Variants in SEMA6D observed in about 807,000 individuals in gnomAD.
SEMA6D encodes the protein semaphorin-6D.
In SEMA6D, 35 loss-of-function variants were observed where a neutral mutation model predicts 106.6. The observed-to-expected ratio is 0.33, with a 90% confidence interval of 0.25 to 0.44. The LOEUF (loss-of-function observed/expected upper bound fraction) is 0.44, where lower values mean the gene tolerates loss of function less well. Among genes scored for constraint, SEMA6D ranks in the 20% least tolerant of loss-of-function variants. The pLI is 1.00. For missense variants in SEMA6D, 1,185 were observed against 1,345.9 expected (o/e 0.88, Z 1.87); for synonymous variants, 499 against 487.7 (o/e 1.02, Z -0.31).
intron 1 of SEMA6D, among the ~76,000 whole-genome samples, chr15:47,273,076 T>G (rs1310368893): frequency 6.6e-6 from 1 of 152,146 alleles, no homozygotes; most frequent in Non-Finnish European, 1.5e-5. Context: ...ACCCTGTAAG[T>G]TTATTCTATT....
chr15:47,570,140 G>T (rs906642493), intron 3 of SEMA6D, among the ~76,000 whole-genome samples: 1 of 152,052 alleles, frequency 6.6e-6, no homozygotes, highest in Admixed American at 6.6e-5. Context: ...TCACTGTGAA[G>T]TCTTTTTATT....
chr15:47,370,189 G>C (rs2039216939), intron 1 of SEMA6D, among the ~76,000 whole-genome samples: 1 of 152,130 alleles, frequency 6.6e-6, no homozygotes. Context: ...GGGCTTGTCA[G>C]GTTTATGATG....
At chr15:47,320,240 A>G (rs983303224) in intron 1 of SEMA6D, among the ~76,000 whole-genome samples, 2 of 152,082 alleles carry the variant, frequency 1.3e-5, no homozygotes, top group Non-Finnish European at 2.9e-5. Flanking sequence ...AGCTTATCAT[A>G]TCCAAGGAGA....
intron 1 of SEMA6D, among the ~76,000 whole-genome samples, chr15:47,226,803 A>G (rs1370063449): frequency 6.6e-6 from 1 of 152,096 alleles, no homozygotes; most frequent in African/African-American, 2.4e-5. Context: ...TTTGCCCTGT[A>G]GTCTCCCTGT....
chr15:47,759,724 C>G (rs980693929), intron 1 of SEMA6D, 21 bp from the exon 2 acceptor site: 1 of 1,080,458 alleles, frequency 9.3e-7, no homozygotes, highest in African/African-American at 1.6e-5. Flanking sequence ...GAGATCTTTC[C>G]AAACTGCTTC....
At chr15:47,331,920 A>C (rs1298107785) in intron 1 of SEMA6D, among the ~76,000 whole-genome samples, 5 of 152,164 alleles carry the variant, frequency 3.3e-5, no homozygotes, top group Admixed American at 3.3e-4. Flanking sequence ...AACCTAATGG[A>C]GTGATGGCTG....
intron 4 of SEMA6D, among the ~76,000 whole-genome samples, chr15:47,610,465 G>A (rs1343936800): frequency 6.6e-6 from 1 of 152,070 alleles, no homozygotes; most frequent in Non-Finnish European, 1.5e-5. Context: ...TTGAATACAT[G>A]TTTTTTTATG....
chr15:47,622,850 C>G (rs1024704877), intron 4 of SEMA6D, among the ~76,000 whole-genome samples: 3 of 152,188 alleles, frequency 2.0e-5, no homozygotes, highest in African/African-American at 7.2e-5. Context: ...CTCTCAGAAA[C>G]TTCTGGCATT....
intron 1 of SEMA6D, among the ~76,000 whole-genome samples, chr15:47,356,922 C>A (rs917026679): frequency 8.5e-5 from 13 of 152,130 alleles, no homozygotes; most frequent in African/African-American, 2.9e-4. Flanking sequence ...GAGAATAGAA[C>A]CAAATCTCAA....
intron 3 of SEMA6D, among the ~76,000 whole-genome samples, chr15:47,537,609 T>G (rs1566868254): frequency 6.6e-6 from 1 of 152,240 alleles, no homozygotes; most frequent in Non-Finnish European, 1.5e-5. Context: ...TCAAATGCTC[T>G]GCCGTGAGTT....
intron 1 of SEMA6D, among the ~76,000 whole-genome samples, chr15:47,247,151 A>G (rs771310578): frequency 2.0e-5 from 3 of 152,208 alleles, no homozygotes; most frequent in Non-Finnish European, 4.4e-5. Flanking sequence ...AGTGTGTATC[A>G]TCTAACTAGG....
intron 1 of SEMA6D, among the ~76,000 whole-genome samples, chr15:47,212,187 A>G (rs1479914076): frequency 1.3e-5 from 2 of 152,226 alleles, no homozygotes; most frequent in African/African-American, 2.4e-5. Context: ...AAAGCTTAGG[A>G]AAAATTTAGG....
Position 47,435,628 on chromosome 15 carries a change from C to A in SEMA6D, c.-159+23156C>A, listed in dbSNP as rs886637958. Among the ~76,000 whole-genome samples the A allele has an allele frequency of 2.6e-5, 4 of 152,036 alleles. No homozygotes were observed. The South Asian group carries it at 8.3e-4, about 32-fold the overall frequency. On this transcript the variant is annotated intron_variant, in intron 2 of 19. Transcript: ENST00000558014. ...ATTCTGCTCTGGCTCTTGAGAGATGCAAGATGCATACTGTATTCTTTCTGG... is the reference window on the plus strand; with the variant it reads ...ATTCTGCTCTGGCTCTTGAGAGATGAAAGATGCATACTGTATTCTTTCTGG...
At chr15:47,731,772 G>T (rs1259389540) in intron 1 of SEMA6D, among the ~76,000 whole-genome samples, 2 of 152,032 alleles carry the variant, frequency 1.3e-5, no homozygotes, top group Non-Finnish European at 2.9e-5. Context: ...TATGATAAAT[G>T]GTTATGCTAC....
chr15:47,270,482 CT>C (rs1478764432), intron 1 of SEMA6D, among the ~76,000 whole-genome samples: 1 of 151,640 alleles, frequency 6.6e-6, no homozygotes, highest in African/African-American at 2.4e-5. Context: ...TGGCAGTGGC[CT>C]CTAGTAAAAA....
chr15:47,212,462 C>T (rs762109107), intron 1 of SEMA6D, among the ~76,000 whole-genome samples: 126 of 152,114 alleles, frequency 8.3e-4, no homozygotes, highest in Non-Finnish European at 1.3e-3. Context: ...TGGGTGATTA[C>T]GAGCATGACG....
intron 4 of SEMA6D, among the ~76,000 whole-genome samples, chr15:47,604,865 A>ATTTT (rs1566928405): frequency 1.9e-4 from 5 of 26,358 alleles, no homozygotes; most frequent in African/African-American, 3.2e-4. Flanking sequence ...ATGCCTGGCT[A>ATTTT]ATTTTTTTTT....
chr15:47,744,574 A>G (rs1869118), intron 1 of SEMA6D, among the ~76,000 whole-genome samples: 31,469 of 151,844 alleles, frequency 0.21, 3,772 homozygotes, highest in Middle Eastern at 0.27. Flanking sequence ...TGTGGGGGGG[A>G]AAATGCACCC....
intron 3 of SEMA6D, among the ~76,000 whole-genome samples, chr15:47,587,895 C>T (rs970248298): frequency 2.0e-5 from 3 of 151,948 alleles, no homozygotes; most frequent in African/African-American, 7.3e-5. Flanking sequence ...GTCAGGTGAG[C>T]TCACTGTTGT....
Sources: allele counts gnomAD v4.1 joint callset (sites outside exome capture counted in the v4.1 genomes callset), GRCh38; gene constraint gnomAD v4.1.1; transcripts MANE v1.5; gene names NCBI Gene and HGNC (gene_info 2026-07-23, HGNC 2026-07-21).